The following GDF7 variants were observed in gnomAD, a reference collection of about 807,000 sequenced individuals.
GDF7 encodes the protein growth/differentiation factor 7.
In GDF7, 12 loss-of-function variants were observed where a neutral mutation model predicts 13.4. The ratio of observed to expected loss-of-function variants is 0.90; its 90% CI spans 0.57 to 1.45. GDF7 has a LOEUF of 1.45. GDF7 is among the 40% of genes most tolerant of loss of function. The pLI, the probability that GDF7 is intolerant of heterozygous loss-of-function variation, is 0.00. For missense variants in GDF7, 651 were observed against 652.4 expected (o/e 1.00, Z 0.02); for synonymous variants, 330 against 306.4 (o/e 1.08, Z -0.80).
chr2:20,667,185 G>A lies in GDF7; in HGVS notation c.-55G>A. The A allele has an allele frequency of 9.0e-7, 1 of 1,110,382 alleles. No individual in the cohort carries two copies. Among genetic ancestry groups the A allele is most frequent in the South Asian group, 3.7e-5 (1 of 26,840 alleles). 68.8% of individuals were successfully genotyped at this position (1,110,382 alleles called of 1,614,324 possible). A position where few individuals can be genotyped will look rare whatever the true frequency, so the allele number is the denominator to read the frequency against. On this transcript the variant is annotated 5_prime_UTR_variant, in exon 1 of 2. Transcript: ENST00000272224. This position sits in a 1 kb window ranked among gnomAD's most constrained non-coding sequence, Gnocchi z 6.4. ...AACACTATGTTCAAAAGGCGCCGGG[G>A]GACTTCCCGGAGCCACGGAGCCCGC...
In GDF7 at chr2:20,671,054, C is replaced by G; in HGVS notation, c.982C>G (p.Arg328Gly). 6.7e-7 allele frequency: 1 copy of G among 1,502,946 alleles called. No homozygotes were observed. The highest frequency in any genetic ancestry group is 8.9e-7 in the Non-Finnish European group (1 of 1,127,876). 93.1% of individuals were successfully genotyped at this position (1,502,946 alleles called of 1,614,324 possible). Residue 328 changes from arginine (R) to glycine (G), a missense_variant, in exon 2 of 2, where the codon CGG becomes GGG. This residue lies in a region of GDF7 where 487 missense variants were observed against 445.9 expected (regional missense o/e 1.09). Transcript: ENST00000272224. ...RRRRTALAGT[R>G]TAQGSGGGAG... Reference sequence around the variant, plus strand: ...GAGGAGGACGGCGTTGGCCGGGACGCGGACAGCGCAGGGCAGCGGCGGGGG... The same window carrying G: ...GAGGAGGACGGCGTTGGCCGGGACGGGGACAGCGCAGGGCAGCGGCGGGGG...
Position 20,667,449 on chromosome 2 carries a change from CCGCGCCG to C in GDF7, c.221_227del (p.Arg74ProfsTer17). ...TCCCGGCCGCCGCGGTTCCCCGGGC[CCGCGCCG>C]CGCGCCGCGCCGCGGGCTCCGGCTT... On this transcript the variant is annotated frameshift_variant, in exon 1 of 2. Transcript: ENST00000272224. LOFTEE classifies it high-confidence loss of function. The surrounding 1 kb of genome is among the most constrained non-coding windows in gnomAD (Gnocchi z 6.4). 1 of 1,126,920 alleles carries C rather than the reference CCGCGCCG, an allele frequency of 8.9e-7. No individual in the cohort carries two copies. Among genetic ancestry groups the C allele is most frequent in the Non-Finnish European group, 1.1e-6 (1 of 913,876 alleles). 69.8% of individuals were successfully genotyped at this position (1,126,920 alleles called of 1,614,324 possible).
In GDF7 at chr2:20,670,819, G is replaced by A. The variant is rs13013489; in HGVS notation, c.747G>A (p.Arg249=). The A allele has an allele frequency of 0.72, 1,066,574 of 1,490,454 alleles. 384,094 individuals carry two copies. The highest frequency in any genetic ancestry group is 0.86 in the South Asian group (67,643 of 78,718). The allele number at this position is 1,490,454 out of a possible 1,614,324, so 92.3% of individuals were successfully genotyped here. The change falls in exon 2 of 2, where the codon CGG becomes CGA. Residue 249 remains arginine, a synonymous_variant. Coordinates refer to ENST00000272224, the MANE Select transcript of GDF7 (RefSeq NM_182828.4). ...GPVPSPLALR[R]LGFGWPGGGG... ...TGCCGAGCCCGTTGGCACTGCGGCG[G>A]CTGGGCTTCGGCTGGCCGGGCGGAG...
Position 20,676,963 on chromosome 2 carries a change from TGCATGGTGC to T in GDF7, c.*5544_*5552del, listed in dbSNP as rs1662238389. On this transcript the variant is annotated 3_prime_UTR_variant, in exon 2 of 2. Coordinates refer to ENST00000272224, the MANE Select transcript of GDF7 (RefSeq NM_182828.4). ...GCTTGCAGGCCTCTTCTAGCATCTG[TGCATGGTGC>T]GCATGTGTCTGTGACAACAGAAAGG... The T allele has an allele frequency of 6.6e-6, 1 of 152,266 alleles. No individual in the cohort carries two copies. The highest frequency in any genetic ancestry group is 2.1e-4 in the South Asian group (1 of 4,832). 9.4% of individuals were successfully genotyped at this position (152,266 alleles called of 1,614,324 possible).
Position 20,670,874 on chromosome 2 carries a change from C to A in GDF7, c.802C>A (p.Leu268Ile). Residue 268 changes from leucine to isoleucine, a missense_variant, in exon 2 of 2, where the codon CTA becomes ATA. Transcript: ENST00000272224. ...GGSAAEERAV[L>I]VVSSRTQRKE... ...CTCTGCGGCAGAGGAGCGCGCGGTG[C>A]TAGTCGTCTCCTCCCGCACGCAGAG... The A allele has an allele frequency of 6.5e-7, 1 of 1,527,730 alleles. No individual in the cohort carries two copies. The highest frequency in any genetic ancestry group is 2.6e-5 in the East Asian group (1 of 39,052). The allele number at this position is 1,527,730 out of a possible 1,614,324, so 94.6% of individuals were successfully genotyped here. A position where few individuals can be genotyped will look rare whatever the true frequency, so the allele number is the denominator to read the frequency against.
intron 1 of GDF7, among the ~76,000 whole-genome samples, chr2:20,669,624 C>A (rs1342982845): frequency 2.0e-5 from 3 of 152,220 alleles, no homozygotes; most frequent in Non-Finnish European, 4.4e-5. Flanking sequence ...CCGCACCCCT[C>A]CGGGAGGTTC....
chr2:20,671,088 G>T lies in GDF7; in HGVS notation c.1016G>T (p.Arg339Leu). Residue 339 changes from arginine (R) to leucine (L), a missense_variant, in exon 2 of 2, where the codon CGG becomes CTG. Transcript: ENST00000272224. ...CAGGGCAGCGGCGGGGGCGCGGGCCGGGGCCACGGGCGCAGGGGCCGGAGC... is the reference window on the plus strand; with the variant it reads ...CAGGGCAGCGGCGGGGGCGCGGGCCTGGGCCACGGGCGCAGGGGCCGGAGC... ...TAQGSGGGAG[R>L]GHGRRGRSRC... 6.5e-7 allele frequency: 1 copy of T among 1,540,832 alleles called. No homozygotes were observed. The highest frequency in any genetic ancestry group is 8.7e-7 in the Non-Finnish European group (1 of 1,144,834).
rs755238341 is a variant in GDF7, at chr2:20,670,562, C to T, written c.490C>T (p.Arg164Trp). The T allele has an allele frequency of 1.9e-6, 3 of 1,606,906 alleles. No individual in the cohort carries two copies. Among genetic ancestry groups the T allele is most frequent in the Middle Eastern group, 1.6e-4 (1 of 6,070 alleles). ...VVGAELRVLR[R>W]GSPESGPGSW... ...GGGTGCCGAGCTGCGCGTGCTGCGC[C>T]GGGGATCTCCAGAGTCGGGCCCAGG... The change falls in exon 2 of 2, where the codon CGG (arginine) becomes TGG (tryptophan). Residue 164 changes from arginine (R) to tryptophan (W), a missense_variant. Physicochemically the swap from Arg to Trp is moderately radical, Grantham distance 101. Around this residue, in one of 4 missense-constraint regions of GDF7, gnomAD observed 487 missense variants for 445.9 expected, o/e 1.09. Coordinates refer to ENST00000272224, the MANE Select transcript of GDF7 (RefSeq NM_182828.4).
Position 20,667,220 on chromosome 2 carries a change from C to T in GDF7, c.-20C>T. On this transcript the variant is annotated 5_prime_UTR_variant, in exon 1 of 2. Coordinates refer to ENST00000272224, the MANE Select transcript of GDF7 (RefSeq NM_182828.4). The surrounding 1 kb of genome is among the most constrained non-coding windows in gnomAD (Gnocchi z 6.4). Reference sequence around the variant, plus strand: ...GAGCCACGGAGCCCGCGCCGCCCGCCCGCCCGGCCCACGGAGCCCATGGAC... The same window carrying T: ...GAGCCACGGAGCCCGCGCCGCCCGCTCGCCCGGCCCACGGAGCCCATGGAC... The T allele has an allele frequency of 8.5e-7, 1 of 1,176,456 alleles. No individual in the cohort carries two copies. Among genetic ancestry groups the T allele is most frequent in the Non-Finnish European group, 1.0e-6 (1 of 953,514 alleles). 72.9% of individuals were successfully genotyped at this position (1,176,456 alleles called of 1,614,324 possible).
rs1379811493 is a variant in GDF7 at position 20,673,450 on chromosome 2, T to G, written c.*2025T>G. On this transcript the variant is annotated 3_prime_UTR_variant, in exon 2 of 2. Coordinates refer to ENST00000272224, the MANE Select transcript of GDF7 (RefSeq NM_182828.4). ...GCCAGAGATGCCTCACTCTCGTTTT[T>G]AAAATGAAGCTTGTCATAATGAAGA... 6.6e-6 allele frequency: 1 copy of G among 152,200 alleles called. No homozygotes were observed. The highest frequency in any genetic ancestry group is 2.4e-5 in the African/African-American group (1 of 41,436). The allele number at this position is 152,200 out of a possible 1,614,324, so 9.4% of individuals were successfully genotyped here. A position where few individuals can be genotyped will look rare whatever the true frequency, so the allele number is the denominator to read the frequency against.
In GDF7 at chr2:20,667,681, ACCAGCCCCGGAGCCGTGCCGCAGCT is replaced by A; in HGVS notation, c.391+54_391+78del. 1 of 1,293,930 alleles carries A rather than the reference ACCAGCCCCGGAGCCGTGCCGCAGCT, an allele frequency of 7.7e-7. No individual in the cohort carries two copies. The allele number at this position is 1,293,930 out of a possible 1,614,324, so 80.2% of individuals were successfully genotyped here. A position where few individuals can be genotyped will look rare whatever the true frequency, so the allele number is the denominator to read the frequency against. On this transcript the variant is annotated intron_variant, in intron 1 of 1. Coordinates refer to ENST00000272224, the MANE Select transcript of GDF7 (RefSeq NM_182828.4). This position sits in a 1 kb window ranked among gnomAD's most constrained non-coding sequence, Gnocchi z 6.4. ...CCATCCCGTCAGGTCCTGGGCTGAG[ACCAGCCCCGGAGCCGTGCCGCAGCT>A]CCGTTACATTTGGAGCCGCGGCCCC...
In GDF7 at chr2:20,667,257, C is replaced by A. The variant is rs781134510; in HGVS notation, c.18C>A (p.Ala6=). Residue 6 remains alanine (A), a synonymous_variant, in exon 1 of 2, where the codon GCC becomes GCA. Transcript: ENST00000272224. The surrounding 1 kb of genome is among the most constrained non-coding windows in gnomAD (Gnocchi z 6.4). The part of the protein sequence containing the change: MDLSA[A]AALCLWLLSA... ...CGGAGCCCATGGACCTGAGCGCCGC[C>A]GCCGCGCTGTGCCTTTGGCTGCTGA... 2.8e-5 allele frequency: 35 copies of A among 1,239,458 alleles called. 1 individual carries two copies. In the Middle Eastern group the frequency reaches 9.8e-4, roughly 35 times the overall value. The allele number at this position is 1,239,458 out of a possible 1,614,324, so 76.8% of individuals were successfully genotyped here. A position where few individuals can be genotyped will look rare whatever the true frequency, so the allele number is the denominator to read the frequency against.
chr2:20,670,927 C>T lies in GDF7; in HGVS notation c.855C>T (p.Arg285=), dbSNP rs1662109683. 1.3e-6 allele frequency: 2 copies of T among 1,571,632 alleles called. No individual in the cohort carries two copies. The highest frequency in any genetic ancestry group is 2.3e-5 in the East Asian group (1 of 42,680). The change falls in exon 2 of 2, where the codon CGC becomes CGT. Residue 285 remains arginine (R), a synonymous_variant. Coordinates refer to ENST00000272224, the MANE Select transcript of GDF7 (RefSeq NM_182828.4). ...QRKESLFREI[R]AQARALGAAL... ...AAGAGAGCTTATTCCGGGAGATCCGCGCCCAGGCCCGCGCGCTCGGGGCCG... is the reference window on the plus strand; with the variant it reads ...AAGAGAGCTTATTCCGGGAGATCCGTGCCCAGGCCCGCGCGCTCGGGGCCG...
chr2:20,677,065 G>A lies in GDF7; in HGVS notation c.*5640G>A, dbSNP rs1428452962. The A allele has an allele frequency of 6.6e-6, 1 of 152,200 alleles. No homozygotes were observed. The highest frequency in any genetic ancestry group is 1.5e-5 in the Non-Finnish European group (1 of 68,042). The allele number at this position is 152,200 out of a possible 1,614,324, so 9.4% of individuals were successfully genotyped here. ...TGCAGCGGTCACAGAAACTTCCGGA[G>A]AGAGGTGTTTCTGTGCAGTCAGGTG... On this transcript the variant is annotated 3_prime_UTR_variant, in exon 2 of 2. Coordinates refer to ENST00000272224, the MANE Select transcript of GDF7 (RefSeq NM_182828.4).
chr2:20,668,868 A>G (rs570472945), intron 1 of GDF7, among the ~76,000 whole-genome samples: 1 of 152,296 alleles, frequency 6.6e-6, no homozygotes, highest in African/African-American at 2.4e-5. Flanking sequence ...GGATGCTGGG[A>G]TACTTATAGG....
chr2:20,671,341 C>G lies in GDF7; in HGVS notation c.1269C>G (p.Ile423Met), dbSNP rs377143734. Reference protein sequence around the residue: ...SCCVPARLSPISILYIDAANN... With the variant: ...SCCVPARLSPMSILYIDAANN... ...GTGTGCCAGCGCGCCTCAGCCCCAT[C>G]AGCATCCTCTACATCGACGCCGCCA... The change falls in exon 2 of 2, where the codon ATC becomes ATG. Residue 423 changes from isoleucine to methionine, a missense_variant. By Grantham distance (10) the Ile-to-Met change is conservative. This residue lies in a region of GDF7 where 101 missense variants were observed against 139.2 expected (regional missense o/e 0.73). Transcript: ENST00000272224. The G allele has an allele frequency of 2.5e-6, 4 of 1,613,412 alleles. No homozygotes were observed. The highest frequency in any genetic ancestry group is 1.7e-5 in the Admixed American group (1 of 59,986).
Position 20,677,906 on chromosome 2 carries a change from T to C in GDF7, c.*6481T>C, listed in dbSNP as rs1001053835. On this transcript the variant is annotated 3_prime_UTR_variant, in exon 2 of 2. Coordinates refer to ENST00000272224, the MANE Select transcript of GDF7 (RefSeq NM_182828.4). ...TTGCCTGCACCTTTTTATCTCTGAG[T>C]GACTGAGGGCTGCCAAGGCCAGACA... 2.0e-5 allele frequency: 3 copies of C among 152,374 alleles called. No individual in the cohort carries two copies. The highest frequency in any genetic ancestry group is 7.2e-5 in the African/African-American group (3 of 41,440). 9.4% of individuals were successfully genotyped at this position (152,374 alleles called of 1,614,324 possible).
chr2:20,671,635 A>C lies in GDF7; in HGVS notation c.*210A>C, dbSNP rs1572380621. ...CATGTGAAAGCCTTGGGAAGAGATG[A>C]CCTGCCGGTACCGAATGTCAAAGCC... is the stretch of plus-strand genomic sequence containing the variant. On this transcript the variant is annotated 3_prime_UTR_variant, in exon 2 of 2. Transcript: ENST00000272224. 1.7e-6 allele frequency: 1 copy of C among 588,008 alleles called. No individual in the cohort carries two copies. The highest frequency in any genetic ancestry group is 3.0e-6 in the Non-Finnish European group (1 of 333,276). The allele number at this position is 588,008 out of a possible 1,614,324, so 36.4% of individuals were successfully genotyped here. A position where few individuals can be genotyped will look rare whatever the true frequency, so the allele number is the denominator to read the frequency against.
In GDF7 at chr2:20,677,047, G is replaced by C. The variant is rs1014343245; in HGVS notation, c.*5622G>C. 5 of 152,224 alleles carry C rather than the reference G, an allele frequency of 3.3e-5. No homozygotes were observed. The highest frequency in any genetic ancestry group is 1.2e-4 in the African/African-American group (5 of 41,448). The allele number at this position is 152,224 out of a possible 1,614,324, so 9.4% of individuals were successfully genotyped here. The stretch of plus-strand genomic sequence containing the variant: ...TGACAGTGGCAAGGGGGCTGCAGCG[G>C]TCACAGAAACTTCCGGAGAGAGGTG... On this transcript the variant is annotated 3_prime_UTR_variant, in exon 2 of 2. Transcript: ENST00000272224.
Sources: gnomAD v4.1 joint callset for allele counts (sites outside exome capture counted in the v4.1 genomes callset) on GRCh38, gnomAD v4.1.1 for gene constraint, gnomAD v4.1.1 regional missense constraint, Gnocchi (gnomAD v3.1) non-coding constraint, MANE v1.5 for transcripts, NCBI Gene and HGNC (gene_info 2026-07-23, HGNC 2026-07-21) for gene names.